Variants in MARCHF10 observed in about 807,000 individuals in gnomAD.
MARCHF10 encodes the protein membrane associated ring-CH-type finger 10.
Under a neutral mutation model 76.2 loss-of-function variants are expected in MARCHF10, and 64 were observed. That is an observed-to-expected ratio of 0.84 (90% confidence interval 0.69 to 1.03). MARCHF10 has a LOEUF of 1.03. Ranked by LOEUF, MARCHF10 falls within the 50% of genes least tolerant of loss-of-function variation. The pLI is 0.00. For synonymous variants in MARCHF10, 340 were observed against 357.5 expected (o/e 0.95, Z 0.55); for missense variants, 875 against 958.0 (o/e 0.91, Z 1.14).
intron 10 of MARCHF10, among the ~76,000 whole-genome samples, chr17:62,703,857 G>C (rs1266580562): frequency 2.6e-5 from 4 of 152,220 alleles, no homozygotes; most frequent in Admixed American, 6.5e-5. Context: ...CCTGGGGCCG[G>C]GGCTCAAGGC....
Position 62,788,571 on chromosome 17 carries a change from C to T in MARCHF10, c.119G>A (p.Arg40Lys). The T allele has an allele frequency of 6.2e-7, 1 of 1,614,120 alleles. No individual in the cohort carries two copies. Residue 40 changes from arginine to lysine, a missense_variant, in exon 3 of 11, where the codon AGA (arginine) becomes AAA (lysine). Coordinates refer to ENST00000311269, the MANE Select transcript of MARCHF10 (RefSeq NM_152598.4). ...QACLRRQEYRRDPNEKKRDQF... is the reference protein window; with the variant it reads ...QACLRRQEYRKDPNEKKRDQF... ...ATCGCGTTTCTTCTCATTTGGGTCT[C>T]TTCTATATTCCTGTCGTCTCAGACA...
At chr17:62,785,504 A>T (rs2092729585) in intron 3 of MARCHF10, among the ~76,000 whole-genome samples, 1 of 152,232 alleles carries the variant, frequency 6.6e-6, no homozygotes, top group Non-Finnish European at 1.5e-5. Context: ...AGCAATGGCA[A>T]CAAAAGCCAA....
intron 2 of MARCHF10, among the ~76,000 whole-genome samples, chr17:62,800,730 G>A (rs980886158): frequency 2.0e-5 from 3 of 152,146 alleles, no homozygotes; most frequent in African/African-American, 7.2e-5. Context: ...CCCACCTCTG[G>A]TGGGATGACT....
At chr17:62,766,142 G>A (rs187852120) in intron 3 of MARCHF10, among the ~76,000 whole-genome samples, 178 of 152,276 alleles carry the variant, frequency 1.2e-3, no homozygotes, top group African/African-American at 4.1e-3. Context: ...GCTGCAGTGA[G>A]CTGTGATTGT....
At chr17:62,789,515 T>C (rs982270644) in intron 2 of MARCHF10, among the ~76,000 whole-genome samples, 7 of 152,316 alleles carry the variant, frequency 4.6e-5, no homozygotes, top group Middle Eastern at 3.4e-3. Context: ...ATTATACATA[T>C]TTTTTTCCTA....
intron 8 of MARCHF10, chr17:62,714,382 G>A (rs2147626198): frequency 1.0e-6 from 1 of 985,026 alleles, no homozygotes; most frequent in Middle Eastern, 5.2e-4. Flanking sequence ...TTTCCTCAAA[G>A]CATGATAGTA....
At chr17:62,795,796 C>T (rs1433492255) in intron 2 of MARCHF10, among the ~76,000 whole-genome samples, 1 of 152,124 alleles carries the variant, frequency 6.6e-6, no homozygotes. Context: ...TAGGTCTTAG[C>T]CTGTTTGTAT....
At chr17:62,745,373 G>A (rs111771274) in intron 4 of MARCHF10, among the ~76,000 whole-genome samples, 7 of 152,144 alleles carry the variant, frequency 4.6e-5, no homozygotes, top group African/African-American at 1.4e-4. Flanking sequence ...CAAAGTGCTG[G>A]GATTACAGGC....
intron 3 of MARCHF10, among the ~76,000 whole-genome samples, chr17:62,761,698 A>G (rs1478961561): frequency 6.6e-6 from 1 of 152,214 alleles, no homozygotes; most frequent in Non-Finnish European, 1.5e-5. Context: ...CTGGGATTAT[A>G]GGCGTGAGCC....
At chr17:62,779,663 G>A (rs535056259) in intron 3 of MARCHF10, among the ~76,000 whole-genome samples, 28 of 152,288 alleles carry the variant, frequency 1.8e-4, no homozygotes, top group African/African-American at 6.3e-4. Flanking sequence ...GATTATGCAG[G>A]GCTGGATTCT....
In MARCHF10 at chr17:62,738,686, G is replaced by A. The variant is rs1240102630; in HGVS notation, c.536-1354C>T. On this transcript the variant is annotated intron_variant, in intron 5 of 10. Transcript: ENST00000311269. This position sits in a 1 kb window ranked among gnomAD's most constrained non-coding sequence, Gnocchi z 4.0. ...CACTTTAATTGGGGCTCCTCACAGG[G>A]GGACACCAGTGTGAGTCTCTAATGT... 6.6e-6 allele frequency among the ~76,000 whole-genome samples: 1 copy of A among 152,134 alleles called. No individual in the cohort carries two copies. The highest frequency in any genetic ancestry group is 1.5e-5 in the Non-Finnish European group (1 of 68,030).
At chr17:62,764,974 CCTAT>C (rs1457976259) in intron 3 of MARCHF10, among the ~76,000 whole-genome samples, 1 of 152,160 alleles carries the variant, frequency 6.6e-6, no homozygotes, top group Non-Finnish European at 1.5e-5. Flanking sequence ...ATCTGTCTCC[CCTAT>C]CTGAAGACGT....
chr17:62,795,003 A>G, intron 2 of MARCHF10: 1 of 985,254 alleles, frequency 1.0e-6, no homozygotes, highest in South Asian at 4.7e-5. Flanking sequence ...GGCTGTGAAG[A>G]GTAGAGCAAC....
intron 2 of MARCHF10, 97 bp downstream of exon 2, chr17:62,801,549 A>G: frequency 1.8e-6 from 2 of 1,115,710 alleles, no homozygotes; most frequent in South Asian, 2.6e-5. Flanking sequence ...GGATTTTAGA[A>G]AACTTTTACT....
chr17:62,733,728 G>T (rs2091135963), intron 6 of MARCHF10, among the ~76,000 whole-genome samples: 1 of 152,184 alleles, frequency 6.6e-6, no homozygotes, highest in Non-Finnish European at 1.5e-5. Flanking sequence ...CCATATGAGA[G>T]AATACTTTGT....
chr17:62,765,823 T>C (rs1040794052), intron 3 of MARCHF10, among the ~76,000 whole-genome samples: 1 of 152,128 alleles, frequency 6.6e-6, no homozygotes, highest in Non-Finnish European at 1.5e-5. Context: ...GTCTGTAGTA[T>C]TATCTGGCTG....
At chr17:62,746,843 T>C (rs2147875388) in intron 4 of MARCHF10, 3 of 1,497,832 alleles carry the variant, frequency 2.0e-6, no homozygotes, top group Non-Finnish European at 2.7e-6. Context: ...CAGAGGCCAC[T>C]GAGCCCCGCC....
intron 3 of MARCHF10, among the ~76,000 whole-genome samples, chr17:62,767,560 C>G (rs2092362425): frequency 6.7e-6 from 1 of 150,060 alleles, no homozygotes; most frequent in South Asian, 2.1e-4. Context: ...AAGTGATTCT[C>G]CTGCCTCAGC....
At chr17:62,767,224 CTA>C (rs2092352787) in intron 3 of MARCHF10, among the ~76,000 whole-genome samples, 1 of 151,808 alleles carries the variant, frequency 6.6e-6, no homozygotes, top group South Asian at 2.1e-4. Flanking sequence ...TACAATTTAG[CTA>C]TATGTTTCTT....
Sources: allele counts gnomAD v4.1 joint callset (sites outside exome capture counted in the v4.1 genomes callset), GRCh38; gene constraint gnomAD v4.1.1; non-coding constraint Gnocchi (gnomAD v3.1); transcripts MANE v1.5; gene names NCBI Gene and HGNC (gene_info 2026-07-23, HGNC 2026-07-21).